The following PCDH15 variants were observed in gnomAD, a reference collection of about 807,000 sequenced individuals.
The protein encoded by PCDH15 is protocadherin-15.
In PCDH15, 129 loss-of-function variants were observed where a neutral mutation model predicts 178.5. The ratio of observed to expected loss-of-function variants is 0.72; its 90% CI spans 0.63 to 0.84. The LOEUF (loss-of-function observed/expected upper bound fraction) is 0.84. PCDH15 is among the 40% of genes least tolerant of loss of function. The pLI is 0.00. For synonymous variants in PCDH15, 800 were observed against 732.0 expected (o/e 1.09, Z -1.50); for missense variants, 2,230 against 2,099.9 (o/e 1.06, Z -1.21).
At chr10:54,334,770 A>T (rs550961208) in intron 6 of PCDH15, among the ~76,000 whole-genome samples, 1 of 152,158 alleles carries the variant, frequency 6.6e-6, no homozygotes, top group African/African-American at 2.4e-5. Context: ...AAAGTGCCTC[A>T]ATGGGCCTGT....
At chr10:55,123,453 C>A (rs1837822349) in intron 2 of PCDH15, among the ~76,000 whole-genome samples, 1 of 152,036 alleles carries the variant, frequency 6.6e-6, no homozygotes, top group Admixed American at 6.6e-5. Flanking sequence ...AGGGTTTCAT[C>A]ACCATCTGAG....
intron 1 of PCDH15, among the ~76,000 whole-genome samples, chr10:54,760,757 G>A (rs945425670): frequency 6.6e-6 from 1 of 152,086 alleles, no homozygotes; most frequent in Non-Finnish European, 1.5e-5. Flanking sequence ...TAGGTAAATT[G>A]ATGAGCATCA....
chr10:54,813,966 T>C (rs1463998122), intron 3 of PCDH15, among the ~76,000 whole-genome samples: 1 of 152,216 alleles, frequency 6.6e-6, no homozygotes. Flanking sequence ...ATAAAGCATG[T>C]CACAATCACT....
At chr10:54,081,311 A>AAT (rs34211054) in intron 16 of PCDH15, among the ~76,000 whole-genome samples, 3 of 150,714 alleles carry the variant, frequency 2.0e-5, no homozygotes, top group Admixed American at 6.6e-5. Context: ...TAGTATTTGG[A>AAT]ATATATATGT....
chr10:55,315,482 C>A (rs945087098), intron 1 of PCDH15, among the ~76,000 whole-genome samples: 1 of 152,038 alleles, frequency 6.6e-6, no homozygotes, highest in African/African-American at 2.4e-5. Context: ...CTATATTGTG[C>A]TAAATCTCTA....
At chr10:55,230,262 T>G (rs1446159586) in intron 1 of PCDH15, among the ~76,000 whole-genome samples, 1 of 152,066 alleles carries the variant, frequency 6.6e-6, no homozygotes, top group African/African-American at 2.4e-5. Flanking sequence ...GTTGCAATAT[T>G]ATTTGATTAT....
At chr10:54,057,872 G>A (rs1265630269) in intron 18 of PCDH15, among the ~76,000 whole-genome samples, 1 of 152,132 alleles carries the variant, frequency 6.6e-6, no homozygotes. Context: ...TCTCTTTCAA[G>A]TTCAAAGTTA....
intron 6 of PCDH15, among the ~76,000 whole-genome samples, chr10:54,334,057 G>A (rs1219085579): frequency 6.6e-6 from 1 of 152,052 alleles, no homozygotes. Flanking sequence ...TTTTTTGGGT[G>A]ATAAGAATTT....
chr10:55,600,797 G>A (rs1367752774), intron 2 of PCDH15, among the ~76,000 whole-genome samples: 1 of 152,042 alleles, frequency 6.6e-6, no homozygotes, highest in East Asian at 1.9e-4. Flanking sequence ...TAGAACCGGT[G>A]CCCAGGTCTT....
intron 2 of PCDH15, among the ~76,000 whole-genome samples, chr10:55,112,819 T>C (rs1169429502): frequency 1.3e-5 from 2 of 152,136 alleles, no homozygotes; most frequent in African/African-American, 4.8e-5. Context: ...AGGTAGATAG[T>C]AGCTAGAAAT....
chr10:54,978,810 AG>A (rs2131901634), intron 2 of PCDH15, among the ~76,000 whole-genome samples: 1 of 152,218 alleles, frequency 6.6e-6, no homozygotes, highest in African/African-American at 2.4e-5. Context: ...CTGAGTTCAA[AG>A]CTATCTCTTT....
intron 1 of PCDH15, among the ~76,000 whole-genome samples, chr10:54,718,585 TAAG>T (rs1384084424): frequency 6.8e-6 from 1 of 148,076 alleles, no homozygotes; most frequent in African/African-American, 2.5e-5. Flanking sequence ...ATTCAAAAAA[TAAG>T]GAGAGATAGC....
intron 21 of PCDH15, among the ~76,000 whole-genome samples, chr10:53,992,873 C>T (rs769409301): frequency 1.2e-4 from 19 of 152,264 alleles, no homozygotes; most frequent in Non-Finnish European, 2.4e-4. Context: ...TTTTTCCTCC[C>T]TCTGGAGCAC....
chr10:54,073,230 C>T (rs2094280172), intron 17 of PCDH15, among the ~76,000 whole-genome samples: 1 of 149,994 alleles, frequency 6.7e-6, no homozygotes, highest in Non-Finnish European at 1.5e-5. Flanking sequence ...TACCTGTATA[C>T]TATAGTATAT....
chr10:54,189,658 G>A (rs2048786378), intron 11 of PCDH15, among the ~76,000 whole-genome samples: 2 of 152,174 alleles, frequency 1.3e-5, no homozygotes, highest in South Asian at 2.1e-4. Context: ...TTTACATGAA[G>A]TTATAAATAA....
intron 2 of PCDH15, among the ~76,000 whole-genome samples, chr10:55,113,976 ACT>A (rs1464464516): frequency 2.7e-5 from 4 of 150,410 alleles, no homozygotes; most frequent in African/African-American, 9.8e-5. Flanking sequence ...ATGGAATCTC[ACT>A]CTCTGTGTCG....
At chr10:54,981,865 T>G (rs1329578466) in intron 2 of PCDH15, among the ~76,000 whole-genome samples, 1 of 151,936 alleles carries the variant, frequency 6.6e-6, no homozygotes, top group Non-Finnish European at 1.5e-5. Flanking sequence ...AACCTTGAAC[T>G]CCCAGGCTCA....
chr10:53,894,669 A>C (rs1306925325), intron 26 of PCDH15, among the ~76,000 whole-genome samples: 1 of 152,238 alleles, frequency 6.6e-6, no homozygotes, highest in East Asian at 1.9e-4. Context: ...AATCTACGCT[A>C]TTTGACCTCT....
chr10:53,925,753 A>G (rs1185287124), intron 25 of PCDH15, among the ~76,000 whole-genome samples: 3 of 152,082 alleles, frequency 2.0e-5, no homozygotes, highest in African/African-American at 7.2e-5. Flanking sequence ...AGCCCTTTCT[A>G]TGGTGTGTTC....
Sources: allele counts gnomAD v4.1 joint callset (sites outside exome capture counted in the v4.1 genomes callset), GRCh38; gene constraint gnomAD v4.1.1; transcripts MANE v1.5; gene names NCBI Gene and HGNC (gene_info 2026-07-23, HGNC 2026-07-21).